Variants in FAT3 observed in about 807,000 individuals in gnomAD.
The protein encoded by FAT3 is protocadherin Fat 3.
A neutral mutation model predicts 310.2 loss-of-function variants in FAT3; 95 were observed. The ratio of observed to expected loss-of-function variants is 0.31; its 90% CI spans 0.26 to 0.36. The LOEUF is 0.36. Among genes scored for constraint, FAT3 ranks in the 10% least tolerant of loss-of-function variants. The pLI is 1.00. For synonymous variants in FAT3, 2,314 were observed against 2,192.9 expected, an observed-to-expected ratio of 1.06 and a Z score of -1.54; for missense variants, 5,408 against 5,715.6, an observed-to-expected ratio of 0.95 and a Z score of 1.74.
At chr11:92,806,586 C>A in intron 12 of FAT3, 71 bp downstream of exon 12, 1 of 1,312,024 alleles carries the variant, frequency 7.6e-7, no homozygotes, top group Non-Finnish European at 1.0e-6. Context: ...TATGTGGTCT[C>A]ATCACTAGTA....
chr11:92,416,276 C>G (rs1190369688), intron 2 of FAT3, among the ~76,000 whole-genome samples: 2 of 148,772 alleles, frequency 1.3e-5, no homozygotes, highest in Non-Finnish European at 3.0e-5. Flanking sequence ...CCCAGCTACT[C>G]GGGAGGCTGA....
intron 3 of FAT3, among the ~76,000 whole-genome samples, chr11:92,551,314 C>T (rs1304868507): frequency 6.6e-6 from 1 of 151,882 alleles, no homozygotes; most frequent in Non-Finnish European, 1.5e-5. Context: ...AAATGTCTAT[C>T]CATCTTGGTT....
chr11:92,783,731 G>A (rs895183743), intron 7 of FAT3, among the ~76,000 whole-genome samples: 2 of 152,138 alleles, frequency 1.3e-5, no homozygotes, highest in Non-Finnish European at 2.9e-5. Flanking sequence ...ACTGCAGTGA[G>A]CCATGATTGT....
Position 92,810,186 on chromosome 11 carries a change from A to G in FAT3, c.9481+110A>G, listed in dbSNP as rs929517774. On this transcript the variant is annotated intron_variant, in intron 13 of 27. Transcript: ENST00000525166. ...TAATCAACCCCCTTGGTTCTTTACC[A>G]CGAGAACATGTACATTAAACCCCAT... 6 of 932,704 alleles carry G rather than the reference A, an allele frequency of 6.4e-6. No individual in the cohort carries two copies. In the African/African-American group the frequency reaches 8.3e-5, roughly 13 times the overall value. The allele number at this position is 932,704 out of a possible 1,614,324, so 57.8% of individuals were successfully genotyped here. A position where few individuals can be genotyped will look rare whatever the true frequency, so the allele number is the denominator to read the frequency against.
chr11:92,740,504 A>G (rs1044188618), intron 4 of FAT3, among the ~76,000 whole-genome samples: 4 of 152,236 alleles, frequency 2.6e-5, no homozygotes, highest in Non-Finnish European at 5.9e-5. Context: ...GAAAAGTAAA[A>G]GTGAAGAATC....
At chr11:92,512,556 A>T (rs1380590043) in intron 2 of FAT3, among the ~76,000 whole-genome samples, 1 of 147,170 alleles carries the variant, frequency 6.8e-6, no homozygotes, top group East Asian at 1.9e-4. Context: ...TATATATATA[A>T]ATATATATAA....
intron 1 of FAT3, among the ~76,000 whole-genome samples, chr11:92,226,406 G>C (rs1052676387): frequency 6.6e-6 from 1 of 152,090 alleles, no homozygotes. Flanking sequence ...CTTGTGGGCG[G>C]GGGGTGGCGG....
intron 1 of FAT3, among the ~76,000 whole-genome samples, chr11:92,301,203 G>A (rs1264795031): frequency 6.6e-6 from 1 of 152,138 alleles, no homozygotes; most frequent in Non-Finnish European, 1.5e-5. Flanking sequence ...ACATTTGAAA[G>A]GGAAGAGAGC....
At chr11:92,395,990 C>A (rs1014758310) in intron 2 of FAT3, among the ~76,000 whole-genome samples, 4 of 152,044 alleles carry the variant, frequency 2.6e-5, no homozygotes, top group African/African-American at 7.2e-5. Context: ...GGTGTCTTTT[C>A]CCTTAGGAGA....
chr11:92,244,071 T>G (rs1864786614), intron 1 of FAT3, among the ~76,000 whole-genome samples: 1 of 152,086 alleles, frequency 6.6e-6, no homozygotes, highest in Non-Finnish European at 1.5e-5. Flanking sequence ...AGTCAGAATC[T>G]CTTTTTTGTG....
intron 3 of FAT3, among the ~76,000 whole-genome samples, chr11:92,586,723 G>C (rs538879271): frequency 4.3e-4 from 66 of 152,052 alleles, no homozygotes; most frequent in African/African-American, 1.4e-3. Context: ...ATGTGTCTCT[G>C]TTAATTGCAA....
At chr11:92,412,746 A>ACACATACACATATATATATATAT (rs1591252852) in intron 2 of FAT3, among the ~76,000 whole-genome samples, 1 of 18,072 alleles carries the variant, frequency 5.5e-5, no homozygotes, top group South Asian at 1.8e-3. Flanking sequence ...TATATATATA[A>ACACATACACATATATATATATAT]ATATACATAC....
chr11:92,368,851 C>CATACATACACACAT (rs1228796512), intron 2 of FAT3, among the ~76,000 whole-genome samples: 6 of 145,866 alleles, frequency 4.1e-5, no homozygotes, highest in Admixed American at 2.0e-4. Context: ...TATATATACA[C>CATACATACACACAT]ACATACACAT....
chr11:92,293,060 G>GGAAA (rs1001701207), intron 1 of FAT3, among the ~76,000 whole-genome samples: 12 of 104,268 alleles, frequency 1.2e-4, no homozygotes, highest in African/African-American at 3.4e-4. Context: ...AAGGAAGGAA[G>GGAAA]GAAGGAAGGA....
At chr11:92,857,108 A>G in intron 19 of FAT3, 106 bp from the exon 20 acceptor site, 1 of 1,534,172 alleles carries the variant, frequency 6.5e-7, no homozygotes, top group Admixed American at 1.7e-5. Context: ...CACATATCCC[A>G]GCTCTTGAGC....
chr11:92,391,301 C>T (rs1949744173), intron 2 of FAT3, among the ~76,000 whole-genome samples: 1 of 152,154 alleles, frequency 6.6e-6, no homozygotes. Context: ...AGATGTGTTC[C>T]TGCAACCTTG....
intron 14 of FAT3, among the ~76,000 whole-genome samples, chr11:92,834,435 G>C (rs1216400405): frequency 6.6e-6 from 1 of 152,208 alleles, no homozygotes; most frequent in Admixed American, 6.5e-5. Context: ...AGTGAAGTCT[G>C]CAAGTATTTA....
At chr11:92,757,155 C>T (rs992215795) in intron 4 of FAT3, among the ~76,000 whole-genome samples, 1 of 152,026 alleles carries the variant, frequency 6.6e-6, no homozygotes, top group Non-Finnish European at 1.5e-5. Context: ...AACTCCCGAC[C>T]TCAGGTGATC....
intron 3 of FAT3, chr11:92,559,452 A>G (rs508848): frequency 0.41 from 142,051 of 343,742 alleles, 31,174 homozygotes; most frequent in Middle Eastern, 0.5. Context: ...TGGCATGATC[A>G]TAGCTCACTG....
Sources: gnomAD v4.1 joint callset for allele counts (sites outside exome capture counted in the v4.1 genomes callset) on GRCh38, gnomAD v4.1.1 for gene constraint, MANE v1.5 for transcripts, NCBI Gene and HGNC (gene_info 2026-07-23, HGNC 2026-07-21) for gene names.